LGALSL: variants seen among roughly 807,000 people sequenced by gnomAD.
LGALSL encodes the protein galectin-related protein.
In LGALSL, 13 loss-of-function variants were observed where a neutral mutation model predicts 19.5. The ratio of observed to expected loss-of-function variants is 0.67; its 90% CI spans 0.43 to 1.06. LGALSL has a LOEUF of 1.06. Ranked by LOEUF, LGALSL falls within the 50% of genes least tolerant of loss-of-function variation. LGALSL has a pLI of 0.00. For missense variants in LGALSL, 189 were observed against 219.3 expected (o/e 0.86, Z 0.87); for synonymous variants, 86 against 78.3 (o/e 1.10, Z -0.52).
chr2:64,454,914 C>A lies in LGALSL; in HGVS notation c.36+333C>A, dbSNP rs2103705535. Among the ~76,000 whole-genome samples the A allele has an allele frequency of 6.6e-6, 1 of 152,254 alleles. No homozygotes were observed. Among genetic ancestry groups the A allele is most frequent in the Non-Finnish European group, 1.5e-5 (1 of 67,984 alleles). Reference sequence around the variant, plus strand: ...GGGGCGCGCGCCCCGCCACCGCCCCCGACGTACCGGGGATTCCCCCTTGGA... The same window carrying A: ...GGGGCGCGCGCCCCGCCACCGCCCCAGACGTACCGGGGATTCCCCCTTGGA... On this transcript the variant is annotated intron_variant, in intron 1 of 4. Coordinates refer to ENST00000238875, the MANE Select transcript of LGALSL (RefSeq NM_014181.3). The surrounding 1 kb of genome is among the most constrained non-coding windows in gnomAD (Gnocchi z 5.1).
intron 1 of LGALSL, among the ~76,000 whole-genome samples, 173 bp from the exon 2 acceptor site, chr2:64,455,171 A>G (rs1038717937): frequency 2.0e-5 from 3 of 152,004 alleles, no homozygotes; most frequent in Admixed American, 6.5e-5. Flanking sequence ...GGTGGAAAGG[A>G]TGGGTTTTGT....
chr2:64,454,448 G>A lies in LGALSL; in HGVS notation c.-98G>A. The stretch of plus-strand genomic sequence containing the variant: ...TCGTGTGTGCGCGCGCCCGCCGCCA[G>A]CTCGGACCCGCGCCCCCGCCCCCGC... On this transcript the variant is annotated 5_prime_UTR_variant, in exon 1 of 5. Coordinates refer to ENST00000238875, the MANE Select transcript of LGALSL (RefSeq NM_014181.3). This position sits in a 1 kb window ranked among gnomAD's most constrained non-coding sequence, Gnocchi z 5.1. The A allele has an allele frequency of 3.4e-6, 2 of 586,344 alleles. No individual in the cohort carries two copies. Among genetic ancestry groups the A allele is most frequent in the Non-Finnish European group, 4.7e-6 (2 of 428,740 alleles). 36.3% of individuals were successfully genotyped at this position (586,344 alleles called of 1,614,324 possible). A position where few individuals can be genotyped will look rare whatever the true frequency, so the allele number is the denominator to read the frequency against.
rs766265875 is a variant in LGALSL, at chr2:64,455,669, C to T, written c.189C>T (p.Asn63=). 3.7e-6 allele frequency: 6 copies of T among 1,611,318 alleles called. No homozygotes were observed. The highest frequency in any genetic ancestry group is 3.4e-6 in the Non-Finnish European group (4 of 1,177,400). The change falls in exon 3 of 5, where the codon AAC becomes AAT. Residue 63 remains asparagine, a synonymous_variant. Transcript: ENST00000238875. ...KVLVMGIVDL[N]PESFAISLTC... is the part of the protein sequence containing the mutation. ...TAGTGATGGGCATCGTAGACCTCAA[C>T]CCAGAGAGGTAAGGCAGAGTCTTTG...
In LGALSL at chr2:64,454,348, T is replaced by TCCCTC. The variant is rs1221235374; in HGVS notation, c.-186_-182dup. On this transcript the variant is annotated 5_prime_UTR_variant, in exon 1 of 5. Coordinates refer to ENST00000238875, the MANE Select transcript of LGALSL (RefSeq NM_014181.3). This position sits in a 1 kb window ranked among gnomAD's most constrained non-coding sequence, Gnocchi z 5.1. ...CTTCGCCCTCCCAGCTCGCGCTGCC[T>TCCCTC]CCCTCCCCTCCCCTCCTCCCAGGCT... 15 of 390,650 alleles carry TCCCTC rather than the reference T, an allele frequency of 3.8e-5. No individual in the cohort carries two copies. Among genetic ancestry groups the TCCCTC allele is most frequent in the Admixed American group, 9.0e-5 (2 of 22,222 alleles). 24.2% of individuals were successfully genotyped at this position (390,650 alleles called of 1,614,324 possible).
rs1178117667 is a variant in LGALSL at position 64,458,958 on chromosome 2, AT to A, written c.*533del. On this transcript the variant is annotated 3_prime_UTR_variant, in exon 5 of 5. Coordinates refer to ENST00000238875, the MANE Select transcript of LGALSL (RefSeq NM_014181.3). ...AGATTGTTGAAGCTTTCTTGTAGTT[AT>A]TTATTTATACTCAATGTATGTATTA... 6.6e-6 allele frequency: 1 copy of A among 152,216 alleles called. No homozygotes were observed. Among genetic ancestry groups the A allele is most frequent in the African/African-American group, 2.4e-5 (1 of 41,432 alleles). The allele number at this position is 152,216 out of a possible 1,614,324, so 9.4% of individuals were successfully genotyped here. A position where few individuals can be genotyped will look rare whatever the true frequency, so the allele number is the denominator to read the frequency against.
chr2:64,459,306 T>G lies in LGALSL; in HGVS notation c.*878T>G, dbSNP rs1686782115. On this transcript the variant is annotated 3_prime_UTR_variant, in exon 5 of 5. Transcript: ENST00000238875. ...TTCCTTAAGACTAATTATTTCTCTC[T>G]TGATTTATATAATAGCTCATTAAGT... 1 of 152,242 alleles carries G rather than the reference T, an allele frequency of 6.6e-6. No homozygotes were observed. The highest frequency in any genetic ancestry group is 2.4e-5 in the African/African-American group (1 of 41,460). 9.4% of individuals were successfully genotyped at this position (152,242 alleles called of 1,614,324 possible). A position where few individuals can be genotyped will look rare whatever the true frequency, so the allele number is the denominator to read the frequency against.
chr2:64,458,439 C>T lies in LGALSL; in HGVS notation c.*11C>T. 1.2e-6 allele frequency: 2 copies of T among 1,609,546 alleles called. No homozygotes were observed. Among genetic ancestry groups the T allele is most frequent in the African/African-American group, 1.3e-5 (1 of 74,850 alleles). On this transcript the variant is annotated 3_prime_UTR_variant, in exon 5 of 5. Transcript: ENST00000238875. Reference sequence around the variant, plus strand: ...ACCAAGCTTGGCTGATTTAAACCACCTCTATTTCAAATAGGATCACGTGCC... The same window carrying T: ...ACCAAGCTTGGCTGATTTAAACCACTTCTATTTCAAATAGGATCACGTGCC...
chr2:64,455,709 T>C (rs778108755), intron 3 of LGALSL, 32 bp downstream of exon 3: 2 of 1,528,254 alleles, frequency 1.3e-6, no homozygotes, highest in African/African-American at 2.7e-5. Flanking sequence ...GACAGAACTA[T>C]CAGGCTGTGG....
At position 64,459,524 on chromosome 2, in the gene LGALSL, A is replaced by G. The variant is rs191887811; in HGVS notation, c.*1096A>G. 6.6e-5 allele frequency: 10 copies of G among 152,324 alleles called. No homozygotes were observed. The East Asian group carries it at 1.9e-3, about 29-fold the overall frequency. 9.4% of individuals were successfully genotyped at this position (152,324 alleles called of 1,614,324 possible). ...GTTAGCTCATTGTATAACTTTTCTT[A>G]TGTGACCCTCACCAATATCCCTAAG... On this transcript the variant is annotated 3_prime_UTR_variant, in exon 5 of 5. Transcript: ENST00000238875.
chr2:64,454,192 C>A lies in LGALSL; in HGVS notation c.-354C>A. On this transcript the variant is annotated 5_prime_UTR_variant, in exon 1 of 5. Transcript: ENST00000238875. This position sits in a 1 kb window ranked among gnomAD's most constrained non-coding sequence, Gnocchi z 5.1. ...CGGTTCCCGAGCCGGGCCCCGGAGG[C>A]CTTTAAATGCTGCCCAGGGCCGACG... is the stretch of plus-strand genomic sequence containing the variant. 2.5e-6 allele frequency: 1 copy of A among 394,670 alleles called. No individual in the cohort carries two copies. Among genetic ancestry groups the A allele is most frequent in the Non-Finnish European group, 4.5e-6 (1 of 223,440 alleles). 24.4% of individuals were successfully genotyped at this position (394,670 alleles called of 1,614,324 possible). A position where few individuals can be genotyped will look rare whatever the true frequency, so the allele number is the denominator to read the frequency against.
At chr2:64,456,019 CT>C (rs1686729709) in intron 3 of LGALSL, among the ~76,000 whole-genome samples, 1 of 151,708 alleles carries the variant, frequency 6.6e-6, no homozygotes, top group Admixed American at 6.6e-5. Flanking sequence ...ATTATTTCCC[CT>C]GGTCAATTTC....
Position 64,459,810 on chromosome 2 carries a change from G to A in LGALSL, c.*1382G>A, listed in dbSNP as rs1457795392. On this transcript the variant is annotated 3_prime_UTR_variant, in exon 5 of 5. Coordinates refer to ENST00000238875, the MANE Select transcript of LGALSL (RefSeq NM_014181.3). ...GCAGTACTGTAAACGTCACCGCAAG[G>A]CAAGGGATGCTTAAAGTCCTGGGTT... 1 of 152,186 alleles carries A rather than the reference G, an allele frequency of 6.6e-6. No individual in the cohort carries two copies. The highest frequency in any genetic ancestry group is 2.4e-5 in the African/African-American group (1 of 41,452). 9.4% of individuals were successfully genotyped at this position (152,186 alleles called of 1,614,324 possible). A position where few individuals can be genotyped will look rare whatever the true frequency, so the allele number is the denominator to read the frequency against.
rs564225861 is a variant in LGALSL, at chr2:64,455,450, T to C, written c.108+35T>C. The C allele has an allele frequency of 1.2e-5, 19 of 1,552,230 alleles. No homozygotes were observed. In the South Asian group the frequency reaches 1.9e-4, roughly 15 times the overall value. ...TTTGCTCTGTGTCTCTGCCTGTACC[T>C]TCCTCCTTTCTCATTGCTTTTTAAA... On this transcript the variant is annotated intron_variant, in intron 2 of 4. Transcript: ENST00000238875.
In LGALSL at chr2:64,460,123, A is replaced by G. The variant is rs1374271493; in HGVS notation, c.*1695A>G. On this transcript the variant is annotated 3_prime_UTR_variant, in exon 5 of 5. Coordinates refer to ENST00000238875, the MANE Select transcript of LGALSL (RefSeq NM_014181.3). ...GTACCAAAGTCTAAAATAAACTAAA[A>G]TTATGAATTTTTTATAGGTGATACA... The G allele has an allele frequency of 6.6e-6, 1 of 152,152 alleles. No homozygotes were observed. The highest frequency in any genetic ancestry group is 1.5e-5 in the Non-Finnish European group (1 of 68,024). The allele number at this position is 152,152 out of a possible 1,614,324, so 9.4% of individuals were successfully genotyped here. A position where few individuals can be genotyped will look rare whatever the true frequency, so the allele number is the denominator to read the frequency against.
chr2:64,460,353 T>C lies in LGALSL; in HGVS notation c.*1925T>C, dbSNP rs912673469. ...TGATTAACTTCTCATGGCTTGTCAC[T>C]TAAAAGTCCCTAAATTTGAGAGACT... On this transcript the variant is annotated 3_prime_UTR_variant, in exon 5 of 5. Transcript: ENST00000238875. 1.3e-5 allele frequency: 2 copies of C among 152,228 alleles called. No individual in the cohort carries two copies. The highest frequency in any genetic ancestry group is 2.9e-5 in the Non-Finnish European group (2 of 68,038). The allele number at this position is 152,228 out of a possible 1,614,324, so 9.4% of individuals were successfully genotyped here. A position where few individuals can be genotyped will look rare whatever the true frequency, so the allele number is the denominator to read the frequency against.
At position 64,454,358 on chromosome 2, in the gene LGALSL, C is replaced by G. The variant is rs1397562512; in HGVS notation, c.-188C>G. 8 of 391,234 alleles carry G rather than the reference C, an allele frequency of 2.0e-5. No homozygotes were observed. Among genetic ancestry groups the G allele is most frequent in the Non-Finnish European group, 3.6e-5 (8 of 222,496 alleles). 24.2% of individuals were successfully genotyped at this position (391,234 alleles called of 1,614,324 possible). On this transcript the variant is annotated 5_prime_UTR_variant, in exon 1 of 5. Transcript: ENST00000238875. This position sits in a 1 kb window ranked among gnomAD's most constrained non-coding sequence, Gnocchi z 5.1. ...CCAGCTCGCGCTGCCTCCCTCCCCTCCCCTCCTCCCAGGCTCTGCCTGCCA... is the reference window on the plus strand; with the variant it reads ...CCAGCTCGCGCTGCCTCCCTCCCCTGCCCTCCTCCCAGGCTCTGCCTGCCA...
rs765421078 is a variant in LGALSL at position 64,455,438 on chromosome 2, T to C, written c.108+23T>C. 6 of 1,588,060 alleles carry C rather than the reference T, an allele frequency of 3.8e-6. No homozygotes were observed. The Admixed American group carries it at 8.3e-5, about 22-fold the overall frequency. ...CTGGTAAATGATTTTGCTCTGTGTC[T>C]CTGCCTGTACCTTCCTCCTTTCTCA... On this transcript the variant is annotated intron_variant, in intron 2 of 4. Transcript: ENST00000238875.
Position 64,460,497 on chromosome 2 carries a change from C to G in LGALSL, c.*2069C>G, listed in dbSNP as rs1465823102. 6.6e-6 allele frequency: 1 copy of G among 152,200 alleles called. No homozygotes were observed. The highest frequency in any genetic ancestry group is 1.9e-4 in the East Asian group (1 of 5,208). 9.4% of individuals were successfully genotyped at this position (152,200 alleles called of 1,614,324 possible). ...CACCCACTGCATAATTCAGCAGAAA[C>G]TAGAGGAGCAGGGCGTGTACTGATT... On this transcript the variant is annotated 3_prime_UTR_variant, in exon 5 of 5. Transcript: ENST00000238875.
intron 1 of LGALSL, 117 bp from the exon 2 acceptor site, chr2:64,455,227 T>G: frequency 1.3e-6 from 1 of 757,002 alleles, no homozygotes. Context: ...AGGCATCATC[T>G]GCAGACACTG....
Sources: gnomAD v4.1 joint callset for allele counts (sites outside exome capture counted in the v4.1 genomes callset) on GRCh38, gnomAD v4.1.1 for gene constraint, Gnocchi (gnomAD v3.1) non-coding constraint, MANE v1.5 for transcripts, NCBI Gene and HGNC (gene_info 2026-07-23, HGNC 2026-07-21) for gene names.